Variants in GPM6B observed in about 807,000 individuals in gnomAD.
The protein encoded by GPM6B is glycoprotein M6B.
Under a neutral mutation model 27.2 loss-of-function variants are expected in GPM6B, and 4 were observed. That is an observed-to-expected ratio of 0.15 (90% confidence interval 0.07 to 0.34). The LOEUF (loss-of-function observed/expected upper bound fraction) is 0.34. GPM6B is among the 10% of genes least tolerant of loss of function. The pLI is 1.00. For synonymous variants in GPM6B, 124 were observed against 103.1 expected, an observed-to-expected ratio of 1.20 and a Z score of -1.23; for missense variants, 183 against 261.9, an observed-to-expected ratio of 0.70 and a Z score of 2.08.
upstream of GPM6B, chrX:13,938,468 A>G: frequency 1.1e-6 from 1 of 905,245 alleles, no homozygotes; most frequent in South Asian, 5.8e-5. Context: ...CGGGGGCGCG[A>G]GACCGTGGCC....
intron 1 of GPM6B, among the ~76,000 whole-genome samples, chrX:13,811,153 G>A (rs1293927529): frequency 1.8e-5 from 2 of 112,276 alleles, no homozygotes; most frequent in Non-Finnish European, 3.8e-5. Flanking sequence ...CCCTAAGAGA[G>A]TGAAGATAGA....
intron 1 of GPM6B, among the ~76,000 whole-genome samples, chrX:13,866,266 G>C: frequency 8.9e-6 from 1 of 112,496 alleles, no homozygotes; most frequent in South Asian, 3.7e-4. Flanking sequence ...GGGAGGCTGA[G>C]GCAGGAGAAT....
At chrX:13,807,223 T>C (rs1315255797) in intron 2 of GPM6B, among the ~76,000 whole-genome samples, 1 of 112,077 alleles carries the variant, frequency 8.9e-6, no homozygotes, top group Non-Finnish European at 1.9e-5. Context: ...GGGAAGACAT[T>C]TGGGGACACT....
chrX:13,817,780 T>C (rs1197575205), upstream of GPM6B, among the ~76,000 whole-genome samples: 1 of 112,136 alleles, frequency 8.9e-6, no homozygotes, highest in Non-Finnish European at 1.9e-5. Flanking sequence ...CCCACTCCCT[T>C]GTCTATAGTT....
chrX:13,807,833 TTTTA>T, intron 1 of GPM6B, 64 bp from the exon 2 acceptor site: 1 of 1,030,760 alleles, frequency 9.7e-7, no homozygotes, highest in Non-Finnish European at 1.3e-6. Context: ...ATATCAGCAT[TTTTA>T]TTTATTCTTT....
intron 4 of GPM6B, among the ~76,000 whole-genome samples, chrX:13,782,684 A>G (rs753157676): frequency 9.9e-6 from 1 of 100,768 alleles, no homozygotes; most frequent in East Asian, 3.1e-4. Flanking sequence ...TGAACCCGGG[A>G]GGCAGAGGTT....
chrX:13,883,686 C>T (rs2050106080), intron 1 of GPM6B, among the ~76,000 whole-genome samples: 1 of 84,677 alleles, frequency 1.2e-5, no homozygotes, highest in African/African-American at 4.6e-5. Flanking sequence ...AACGAGACTT[C>T]GTCTCTTAAA....
chrX:13,872,497 G>A lies in GPM6B; in HGVS notation c.-198+65830C>T, dbSNP rs769002819. ...CATATCACTTTTGAGAGTGACAAGAGGCACTGCCAATAATGATTCCAAGAC... is the reference window on the plus strand; with the variant it reads ...CATATCACTTTTGAGAGTGACAAGAAGCACTGCCAATAATGATTCCAAGAC... On this transcript the variant is annotated intron_variant, in intron 1 of 6. Coordinates refer to the GPM6B transcript ENST00000398361. 1.5e-4 allele frequency among the ~76,000 whole-genome samples: 17 copies of A among 110,778 alleles called. No individual in the cohort carries two copies. The East Asian group carries it at 4.8e-3, about 31-fold the overall frequency.
At chrX:13,848,193 C>A (rs2049672675) in intron 1 of GPM6B, among the ~76,000 whole-genome samples, 1 of 111,909 alleles carries the variant, frequency 8.9e-6, no homozygotes, top group Admixed American at 9.4e-5. Context: ...CATAAAGACC[C>A]AGATCCTTTG....
chrX:13,914,346 A>G (rs2050408243), intron 1 of GPM6B, among the ~76,000 whole-genome samples: 1 of 112,212 alleles, frequency 8.9e-6, no homozygotes, highest in Non-Finnish European at 1.9e-5. Flanking sequence ...TAAAGATTAC[A>G]TTTTCCAGAG....
At chrX:13,859,964 G>A (rs73197727) in intron 1 of GPM6B, among the ~76,000 whole-genome samples, 2 of 111,609 alleles carry the variant, frequency 1.8e-5, no homozygotes, top group Non-Finnish European at 3.8e-5. Flanking sequence ...TCCTTTTCTT[G>A]ACTCTCTTTT....
chrX:13,857,910 T>C (rs1223703925), intron 1 of GPM6B, among the ~76,000 whole-genome samples: 2 of 112,329 alleles, frequency 1.8e-5, no homozygotes, highest in Non-Finnish European at 3.8e-5. Flanking sequence ...AATACCGCAA[T>C]AAGGATTAGT....
At chrX:13,865,502 C>T (rs1476327432) in intron 1 of GPM6B, among the ~76,000 whole-genome samples, 1 of 81,455 alleles carries the variant, frequency 1.2e-5, no homozygotes, top group Non-Finnish European at 2.3e-5. Context: ...GAGCCTGAGG[C>T]CGGCAGATCA....
At chrX:13,905,230 C>A (rs867631501) in intron 1 of GPM6B, among the ~76,000 whole-genome samples, 154 of 64,344 alleles carry the variant, frequency 2.4e-3, no homozygotes, top group East Asian at 3.9e-3. Context: ...GGCCCTGTCT[C>A]AAAAAAAAAA....
intron 2 of GPM6B, among the ~76,000 whole-genome samples, chrX:13,803,026 G>A (rs935668851): frequency 8.9e-6 from 1 of 112,012 alleles, no homozygotes; most frequent in Admixed American, 9.4e-5. Flanking sequence ...CAAGTGGTTT[G>A]GGAGAAGACC....
rs1019103637 is a variant in GPM6B at position 13,846,231 on chromosome X, T to C, written c.-197-60423A>G. On this transcript the variant is annotated intron_variant, in intron 1 of 6. Transcript: ENST00000398361. The stretch of plus-strand genomic sequence containing the variant: ...ACGCACCCACCTACTCATGCATCCA[T>C]CCCATCTCCCACTCAACCCCAGCAT... Among the ~76,000 whole-genome samples the C allele has an allele frequency of 2.7e-5, 3 of 110,387 alleles. No individual in the cohort carries two copies. In the Admixed American group the frequency reaches 2.9e-4, roughly 11 times the overall value.
chrX:13,894,522 G>A (rs188421087), intron 1 of GPM6B, among the ~76,000 whole-genome samples: 204 of 112,014 alleles, frequency 1.8e-3, no homozygotes, highest in African/African-American at 6.4e-3. Flanking sequence ...ATTTACTATA[G>A]GGTTAGAAAC....
intron 2 of GPM6B, among the ~76,000 whole-genome samples, chrX:13,799,500 T>A (rs1412514544): frequency 3.7e-5 from 4 of 109,516 alleles, no homozygotes; most frequent in African/African-American, 1.3e-4. Flanking sequence ...AACAAACACC[T>A]GCTGAGCTCC....
intron 1 of GPM6B, among the ~76,000 whole-genome samples, chrX:13,826,930 C>A (rs973781785): frequency 1.8e-5 from 2 of 110,313 alleles, no homozygotes; most frequent in African/African-American, 6.6e-5. Context: ...AACTCATCTA[C>A]CCAGCATGTT....
Sources: allele counts gnomAD v4.1 joint callset (sites outside exome capture counted in the v4.1 genomes callset), GRCh38; gene constraint gnomAD v4.1.1; transcripts MANE v1.5; gene names NCBI Gene and HGNC (gene_info 2026-07-23, HGNC 2026-07-21).